Variants in NRXN3 observed in about 807,000 individuals in gnomAD.
NRXN3 encodes neurexin 3.
NRXN3 carries 32 observed loss-of-function variants against 137.6 expected under a neutral mutation model. That is an observed-to-expected ratio of 0.23 (90% CI 0.18 to 0.31). NRXN3 has a LOEUF of 0.31. Ranked by LOEUF, NRXN3 falls within the 10% of genes least tolerant of loss-of-function variation. NRXN3 has a pLI of 1.00. For synonymous variants in NRXN3, 798 were observed against 784.5 expected (o/e 1.02, Z -0.29); for missense variants, 1,574 against 2,062.5 (o/e 0.76, Z 4.59).
At chr14:78,914,704 G>A (rs2099250203) in intron 10 of NRXN3, among the ~76,000 whole-genome samples, 1 of 152,164 alleles carries the variant, frequency 6.6e-6, no homozygotes, top group Admixed American at 6.5e-5. Flanking sequence ...TGGCAGAGGA[G>A]CAGATCCTGA....
intron 8 of NRXN3, among the ~76,000 whole-genome samples, chr14:78,731,607 ATG>A (rs149686835): frequency 0.41 from 61,259 of 148,626 alleles, 13,702 homozygotes; most frequent in Middle Eastern, 0.51. Flanking sequence ...GTATATATAT[ATG>A]TGTGTGTGTG....
At chr14:78,589,727 C>A (rs905939403) in intron 4 of NRXN3, among the ~76,000 whole-genome samples, 11 of 152,110 alleles carry the variant, frequency 7.2e-5, no homozygotes, top group South Asian at 2.1e-4. Flanking sequence ...ATGCCTGGGG[C>A]AGCAGGTGTG....
intron 15 of NRXN3, among the ~76,000 whole-genome samples, chr14:79,109,807 A>G (rs1221147907): frequency 6.6e-6 from 1 of 152,180 alleles, no homozygotes; most frequent in Admixed American, 6.5e-5. Context: ...GCAAGGGCTA[A>G]TTAACCTTGA....
intron 15 of NRXN3, among the ~76,000 whole-genome samples, chr14:79,106,765 G>A (rs2052528564): frequency 6.6e-6 from 1 of 152,060 alleles, no homozygotes; most frequent in African/African-American, 2.4e-5. Context: ...TAAGATGACT[G>A]AAAGGCTTAT....
intron 15 of NRXN3, among the ~76,000 whole-genome samples, chr14:79,071,174 A>C (rs1013820001): frequency 6.6e-6 from 1 of 152,026 alleles, no homozygotes; most frequent in East Asian, 1.9e-4. Flanking sequence ...TCAGTGATGA[A>C]TAACACAGAG....
intron 20 of NRXN3, among the ~76,000 whole-genome samples, chr14:79,824,805 G>A (rs1041062264): frequency 1.3e-5 from 2 of 152,144 alleles, no homozygotes; most frequent in Non-Finnish European, 2.9e-5. Flanking sequence ...ATCAGAAGCT[G>A]CTCAAATTGT....
rs1241687065 is a variant in NRXN3 at position 79,170,181 on chromosome 14, G to A, written c.3262+182040G>A. Among the ~76,000 whole-genome samples the A allele has an allele frequency of 3.9e-5, 6 of 152,236 alleles. No individual in the cohort carries two copies. The East Asian group carries it at 7.7e-4, about 20-fold the overall frequency. ...CACTATTGTGGAAAATCTATTTGGT[G>A]AGGATACACAGGAACTCCAAGGAAG... On this transcript the variant is annotated intron_variant, in intron 15 of 20. Coordinates refer to ENST00000335750, the MANE Select transcript of NRXN3 (RefSeq NM_001330195.2).
intron 15 of NRXN3, among the ~76,000 whole-genome samples, chr14:79,334,523 G>C (rs1235343533): frequency 1.3e-5 from 2 of 152,176 alleles, no homozygotes; most frequent in Middle Eastern, 3.2e-3. Flanking sequence ...GCAGGACAGG[G>C]GGTAAAGTGA....
chr14:79,280,613 A>G (rs1412895705), intron 15 of NRXN3: 6 of 1,364,912 alleles, frequency 4.4e-6, no homozygotes, highest in Non-Finnish European at 1.0e-6. Context: ...AGGTAGTGTC[A>G]AAGGTGGGAA....
At chr14:79,523,925 G>A (rs1024230102) in intron 16 of NRXN3, among the ~76,000 whole-genome samples, 3 of 152,152 alleles carry the variant, frequency 2.0e-5, no homozygotes, top group African/African-American at 7.2e-5. Flanking sequence ...CAAGTGTCAG[G>A]TTCACATCCT....
intron 4 of NRXN3, among the ~76,000 whole-genome samples, chr14:78,385,863 G>A (rs556619649): frequency 6.6e-6 from 1 of 152,164 alleles, no homozygotes; most frequent in Admixed American, 6.5e-5. Flanking sequence ...TAAATGCTAC[G>A]AGATCCAAAT....
intron 15 of NRXN3, among the ~76,000 whole-genome samples, chr14:79,440,715 G>A (rs2095923842): frequency 6.6e-6 from 1 of 151,426 alleles, no homozygotes; most frequent in Non-Finnish European, 1.5e-5. Context: ...CAAAGATACT[G>A]ATTTTAAAAA....
chr14:79,204,868 C>T (rs1479624632), intron 15 of NRXN3, among the ~76,000 whole-genome samples: 2 of 152,142 alleles, frequency 1.3e-5, no homozygotes, highest in South Asian at 2.1e-4. Context: ...GAAAGTATGA[C>T]ACAGCTGAGA....
At chr14:79,009,695 A>G (rs2099567858) in intron 15 of NRXN3, among the ~76,000 whole-genome samples, 1 of 152,146 alleles carries the variant, frequency 6.6e-6, no homozygotes, top group South Asian at 2.1e-4. Context: ...AACCCGTCTT[A>G]TAAACAGAAA....
chr14:78,732,016 G>GC (rs2098518521), intron 8 of NRXN3, among the ~76,000 whole-genome samples: 1 of 152,230 alleles, frequency 6.6e-6, no homozygotes, highest in Non-Finnish European at 1.5e-5. Context: ...GGAAATAGCT[G>GC]CAAGTTTCAA....
chr14:79,787,217 A>G (rs2099131873), intron 19 of NRXN3, among the ~76,000 whole-genome samples: 1 of 152,158 alleles, frequency 6.6e-6, no homozygotes, highest in Admixed American at 6.6e-5. Context: ...TTGAAAGCAA[A>G]TGTACTCTTC....
At chr14:79,399,898 G>A (rs942670154) in intron 15 of NRXN3, among the ~76,000 whole-genome samples, 1 of 152,094 alleles carries the variant, frequency 6.6e-6, no homozygotes, top group African/African-American at 2.4e-5. Context: ...AGCTTCTGGT[G>A]GCGGCCATCA....
chr14:79,737,963 G>T (rs992400814), intron 19 of NRXN3, among the ~76,000 whole-genome samples: 10 of 152,096 alleles, frequency 6.6e-5, no homozygotes, highest in African/African-American at 2.2e-4. Context: ...CAATGAGATT[G>T]GGATGAGTGG....
chr14:78,804,427 G>C (rs1596014614), intron 9 of NRXN3, among the ~76,000 whole-genome samples: 1 of 152,266 alleles, frequency 6.6e-6, no homozygotes, highest in East Asian at 1.9e-4. Context: ...TCTGTGACAC[G>C]TGGAAGGAAA....
Sources: gnomAD v4.1 joint callset for allele counts (sites outside exome capture counted in the v4.1 genomes callset) on GRCh38, gnomAD v4.1.1 for gene constraint, MANE v1.5 for transcripts, NCBI Gene and HGNC (gene_info 2026-07-23, HGNC 2026-07-21) for gene names.